SRD5A3: variants seen among roughly 807,000 people sequenced by gnomAD.
The protein encoded by SRD5A3 is polyprenal reductase.
A neutral mutation model predicts 34.3 loss-of-function variants in SRD5A3; 24 were observed. The observed-to-expected ratio is 0.70, with a 90% CI of 0.51 to 0.99. The LOEUF is 0.99. Among genes scored for constraint, SRD5A3 ranks in the 50% least tolerant of loss-of-function variants. The probability of loss-of-function intolerance (pLI) is 0.00; values close to 1 mark genes in which losing one functional copy is unlikely to be tolerated. For missense variants in SRD5A3, 350 were observed against 388.2 expected (o/e 0.90, Z 0.83); for synonymous variants, 161 against 167.3 (o/e 0.96, Z 0.29).
chr4:55,351,521 A>C (rs1490982840), intron 1 of SRD5A3, among the ~76,000 whole-genome samples: 1 of 151,766 alleles, frequency 6.6e-6, no homozygotes, highest in Non-Finnish European at 1.5e-5. Context: ...AATACAAAAA[A>C]TACAAAAAAA....
rs1032875487 is a variant in SRD5A3 at position 55,348,486 on chromosome 4, A to C, written c.221+1929A>C. Among the ~76,000 whole-genome samples the C allele has an allele frequency of 3.9e-5, 6 of 152,138 alleles. No individual in the cohort carries two copies. In the East Asian group the frequency reaches 7.7e-4, roughly 19 times the overall value. On this transcript the variant is annotated intron_variant, in intron 1 of 4. Coordinates refer to ENST00000264228, the MANE Select transcript of SRD5A3 (RefSeq NM_024592.5). ...GGTAAGAGTCTATGGCCTCTTTTTT[A>C]TACGTCTCTGTATTTTCCAAAATGT...
At chr4:55,357,493 A>G (rs1290708696) in intron 1 of SRD5A3, among the ~76,000 whole-genome samples, 1 of 152,180 alleles carries the variant, frequency 6.6e-6, no homozygotes, top group African/African-American at 2.4e-5. Flanking sequence ...GTCTTAAGGA[A>G]GACCCTGTGG....
In SRD5A3 at chr4:55,371,650, CTTTGTTTTT is replaced by C. The variant is rs1405271778; in HGVS notation, c.*1571_*1579del. ...ACCCAAAACTGTTAAACTAAGATTCCTTTGTTTTTTTTGTTTTTTTGAGATGGAGTCTCA... is the reference window on the plus strand; with the variant it reads ...ACCCAAAACTGTTAAACTAAGATTCCTTTGTTTTTTTGAGATGGAGTCTCA... On this transcript the variant is annotated 3_prime_UTR_variant, in exon 5 of 5. Transcript: ENST00000264228. The C allele has an allele frequency of 1.3e-5, 2 of 152,062 alleles. No individual in the cohort carries two copies. Among genetic ancestry groups the C allele is most frequent in the East Asian group, 3.9e-4 (2 of 5,190 alleles). 9.4% of individuals were successfully genotyped at this position (152,062 alleles called of 1,614,324 possible). A position where few individuals can be genotyped will look rare whatever the true frequency, so the allele number is the denominator to read the frequency against.
intron 1 of SRD5A3, among the ~76,000 whole-genome samples, chr4:55,354,221 C>T (rs1158818844): frequency 6.6e-6 from 1 of 152,060 alleles, no homozygotes. Context: ...TCTCAGCCTC[C>T]CAAGGAGCTG....
chr4:55,362,919 C>G (rs1719738733), intron 2 of SRD5A3, among the ~76,000 whole-genome samples: 1 of 149,820 alleles, frequency 6.7e-6, no homozygotes, highest in South Asian at 2.1e-4. Flanking sequence ...AATCTTGGCT[C>G]ACTGCAACCT....
At chr4:55,356,000 A>AT (rs10648522) in intron 1 of SRD5A3, among the ~76,000 whole-genome samples, 32,954 of 73,732 alleles carry the variant, frequency 0.45, 11,755 homozygotes, top group East Asian at 0.6. Flanking sequence ...TTTTGCCTCC[A>AT]TTTTTTTTTT....
intron 2 of SRD5A3, among the ~76,000 whole-genome samples, chr4:55,361,932 T>C (rs192986434): frequency 3.3e-5 from 5 of 152,318 alleles, no homozygotes; most frequent in Admixed American, 3.3e-4. Flanking sequence ...TTTTGGTATT[T>C]GGAGGGTTGG....
chr4:55,362,697 G>A (rs1719731223), intron 2 of SRD5A3, among the ~76,000 whole-genome samples: 1 of 150,374 alleles, frequency 6.7e-6, no homozygotes, highest in South Asian at 2.1e-4. Context: ...GGTCTCAAGC[G>A]ATCCTCCAAC....
intron 1 of SRD5A3, among the ~76,000 whole-genome samples, chr4:55,354,098 TTTTG>T (rs1408825200): frequency 3.9e-5 from 6 of 152,016 alleles, no homozygotes; most frequent in Admixed American, 1.3e-4. Context: ...AGCAAATAGT[TTTTG>T]TTTGTTTGTT....
intron 1 of SRD5A3, chr4:55,359,130 A>C: frequency 1.8e-6 from 1 of 561,504 alleles, no homozygotes. Context: ...TTAACCTCAG[A>C]GAGGCCTCTT....
chr4:55,355,803 C>T (rs2109469256), intron 1 of SRD5A3, among the ~76,000 whole-genome samples: 1 of 152,228 alleles, frequency 6.6e-6, no homozygotes, highest in Non-Finnish European at 1.5e-5. Flanking sequence ...TCTTGGGTTT[C>T]TCATCTGCCA....
rs201123766 is a variant in SRD5A3 at position 55,346,387 on chromosome 4, G to A, written c.51G>A (p.Ala17=). 3 of 1,575,952 alleles carry A rather than the reference G, an allele frequency of 1.9e-6. No individual in the cohort carries two copies. Among genetic ancestry groups the A allele is most frequent in the Non-Finnish European group, 2.6e-6 (3 of 1,163,644 alleles). The change falls in exon 1 of 5, where the codon GCG becomes GCA. Residue 17 remains alanine, a synonymous_variant. Transcript: ENST00000264228. The part of the protein sequence containing the change: ...AEHSALNPLR[A]VWLTLTAAFL... ...ACTCGGCGCTGAACCCGCTGCGCGC[G>A]GTGTGGCTCACGCTGACCGCCGCCT...
rs1560374975 is a variant in SRD5A3 at position 55,370,160 on chromosome 4, G to A, written c.*69G>A. 1.3e-6 allele frequency: 2 copies of A among 1,596,954 alleles called. No individual in the cohort carries two copies. Among genetic ancestry groups the A allele is most frequent in the South Asian group, 1.1e-5 (1 of 90,536 alleles). On this transcript the variant is annotated 3_prime_UTR_variant, in exon 5 of 5. Transcript: ENST00000264228. ...ATGCCTAAGGACAGTGAAGTCTGGA[G>A]CCCAAAGTACAGTTTCAGCAAAGCT...
chr4:55,346,269 G>T lies in SRD5A3; in HGVS notation c.-68G>T, dbSNP rs1025519474. The T allele has an allele frequency of 7.6e-7, 1 of 1,313,554 alleles. No individual in the cohort carries two copies. Among genetic ancestry groups the T allele is most frequent in the Non-Finnish European group, 9.7e-7 (1 of 1,026,612 alleles). The allele number at this position is 1,313,554 out of a possible 1,614,324, so 81.4% of individuals were successfully genotyped here. ...GCTGAGACCGGTGCGCCGCGCGCTA[G>T]TGGCCGCTCTTCCGCGGGCTAGCGG... On this transcript the variant is annotated 5_prime_UTR_variant, in exon 1 of 5. Coordinates refer to ENST00000264228, the MANE Select transcript of SRD5A3 (RefSeq NM_024592.5).
chr4:55,351,699 A>T, intron 1 of SRD5A3: 1 of 378,712 alleles, frequency 2.6e-6, no homozygotes, highest in South Asian at 2.2e-5. Flanking sequence ...TCCTCAGCTC[A>T]TAATAGAGCA....
intron 4 of SRD5A3, among the ~76,000 whole-genome samples, chr4:55,367,971 G>A (rs2109485438): frequency 6.6e-6 from 1 of 152,294 alleles, no homozygotes; most frequent in Non-Finnish European, 1.5e-5. Context: ...CAGCATGTGA[G>A]AGCTAGTGTT....
At chr4:55,360,008 C>A (rs6554273) in intron 2 of SRD5A3, among the ~76,000 whole-genome samples, 1 of 151,106 alleles carries the variant, frequency 6.6e-6, no homozygotes, top group African/African-American at 2.4e-5. Context: ...GTCAGGAGAT[C>A]GAGACCATCC....
chr4:55,368,773 C>G (rs1385804973), intron 4 of SRD5A3, among the ~76,000 whole-genome samples: 1 of 151,784 alleles, frequency 6.6e-6, no homozygotes, highest in African/African-American at 2.4e-5. Context: ...GAGTCTCACT[C>G]TGTCACCCAG....
rs145768388 is a variant in SRD5A3 at position 55,370,366 on chromosome 4, G to T, written c.*275G>T. On this transcript the variant is annotated 3_prime_UTR_variant, in exon 5 of 5. Coordinates refer to ENST00000264228, the MANE Select transcript of SRD5A3 (RefSeq NM_024592.5). ...AAAACCAACCAACTGATAAAAAGTA[G>T]ATGAGACTTCTCCAAGCTGCTTCAC... is the stretch of plus-strand genomic sequence containing the variant. The T allele has an allele frequency of 0.024, 11,439 of 467,250 alleles. 211 individuals carry two copies. Among genetic ancestry groups the T allele is most frequent in the Non-Finnish European group, 0.034 (8,733 of 256,748 alleles). 28.9% of individuals were successfully genotyped at this position (467,250 alleles called of 1,614,324 possible).
Sources: gnomAD v4.1 joint callset for allele counts (sites outside exome capture counted in the v4.1 genomes callset) on GRCh38, gnomAD v4.1.1 for gene constraint, MANE v1.5 for transcripts, NCBI Gene and HGNC (gene_info 2026-07-23, HGNC 2026-07-21) for gene names.